NAALADL2: variants seen among roughly 807,000 people sequenced by gnomAD.
NAALADL2 encodes N-acetylated alpha-linked acidic dipeptidase like 2.
NAALADL2 carries 76 observed loss-of-function variants against 87.2 expected under a neutral mutation model. That is an observed-to-expected ratio of 0.87 (90% CI 0.72 to 1.05). The LOEUF (loss-of-function observed/expected upper bound fraction) is 1.05. Among genes scored for constraint, NAALADL2 ranks in the 50% least tolerant of loss-of-function variants. The probability of loss-of-function intolerance (pLI) is 0.00; values close to 1 mark genes in which losing one functional copy is unlikely to be tolerated. For synonymous variants in NAALADL2, 354 were observed against 331.0 expected (o/e 1.07, Z -0.75); for missense variants, 1,089 against 945.8 (o/e 1.15, Z -1.99).
chr3:175,490,812 T>C (rs1213979716), intron 9 of NAALADL2, among the ~76,000 whole-genome samples: 1 of 152,086 alleles, frequency 6.6e-6, no homozygotes, highest in East Asian at 1.9e-4. Context: ...AGATCCCCTC[T>C]TCCCCACCAA....
At chr3:175,551,981 T>G (rs1714464387) in intron 9 of NAALADL2, among the ~76,000 whole-genome samples, 1 of 151,986 alleles carries the variant, frequency 6.6e-6, no homozygotes. Context: ...ATTCTGTTTG[T>G]GATAAATGTA....
chr3:175,119,948 TAAAC>T (rs1346797671), intron 2 of NAALADL2, among the ~76,000 whole-genome samples: 2 of 101,164 alleles, frequency 2.0e-5, no homozygotes, highest in Non-Finnish European at 3.9e-5. Flanking sequence ...AGGAAAAAGT[TAAAC>T]AAGGGTGAGA....
chr3:174,808,313 C>T (rs1470468419), intron 3 of NAALADL2, among the ~76,000 whole-genome samples: 1 of 152,022 alleles, frequency 6.6e-6, no homozygotes, highest in East Asian at 1.9e-4. Flanking sequence ...AACACTTCTG[C>T]ACAAAATGTC....
chr3:175,488,286 C>A (rs1727597667), intron 9 of NAALADL2, among the ~76,000 whole-genome samples: 1 of 152,256 alleles, frequency 6.6e-6, no homozygotes. Context: ...AAGACCTAGA[C>A]CTTTATTTAC....
At chr3:174,999,339 T>G (rs1216343006) in intron 1 of NAALADL2, among the ~76,000 whole-genome samples, 1 of 152,188 alleles carries the variant, frequency 6.6e-6, no homozygotes, top group Admixed American at 6.5e-5. Flanking sequence ...AAAAGGTGAA[T>G]ATTTTTCAAT....
chr3:175,222,359 G>A (rs1373678990), intron 2 of NAALADL2, among the ~76,000 whole-genome samples: 1 of 152,146 alleles, frequency 6.6e-6, no homozygotes, highest in Non-Finnish European at 1.5e-5. Flanking sequence ...CACATAGTAG[G>A]TGGTATGAAT....
intron 5 of NAALADL2, among the ~76,000 whole-genome samples, chr3:175,398,049 T>G (rs1243173477): frequency 6.6e-6 from 1 of 152,120 alleles, no homozygotes; most frequent in Admixed American, 6.6e-5. Context: ...AAAAAACTAA[T>G]GAACAAACAA....
At chr3:174,660,092 C>T (rs141688750) in intron 2 of NAALADL2, among the ~76,000 whole-genome samples, 223 of 152,054 alleles carry the variant, frequency 1.5e-3, no homozygotes, top group African/African-American at 4.8e-3. Flanking sequence ...TTATAAGCCA[C>T]GACAAATTTA....
chr3:175,197,273 C>T (rs572857163), intron 2 of NAALADL2, among the ~76,000 whole-genome samples: 20 of 151,886 alleles, frequency 1.3e-4, no homozygotes, highest in African/African-American at 4.8e-4. Context: ...GCGTAGAGTC[C>T]GTAAGCTTTT....
intron 2 of NAALADL2, among the ~76,000 whole-genome samples, chr3:175,128,304 T>C (rs561078291): frequency 8.5e-5 from 13 of 152,160 alleles, no homozygotes; most frequent in Non-Finnish European, 1.3e-4. Context: ...AAATGTAAGG[T>C]AAAGGTAAAG....
chr3:174,444,995 T>A (rs1326066000), intron 1 of NAALADL2, among the ~76,000 whole-genome samples: 1 of 151,744 alleles, frequency 6.6e-6, no homozygotes. Flanking sequence ...GAGTTGGAAA[T>A]GGAACCTTGT....
chr3:174,938,685 A>T (rs564953504), intron 1 of NAALADL2, among the ~76,000 whole-genome samples: 10 of 151,464 alleles, frequency 6.6e-5, no homozygotes, highest in African/African-American at 2.4e-4. Context: ...TTGCCAGCTT[A>T]TTTGTTGTCT....
chr3:174,844,833 TG>T lies in NAALADL2; in HGVS notation c.-9+107089del, dbSNP rs202119994. Among the ~76,000 whole-genome samples, 127 of 133,728 alleles carry T rather than the reference TG, an allele frequency of 9.5e-4. 5 individuals carry two copies. The highest frequency in any genetic ancestry group is 3.4e-3 in the African/African-American group (118 of 34,272). 87.7% of individuals were successfully genotyped at this position (133,728 alleles called of 152,430 possible). On this transcript the variant is annotated intron_variant, in intron 3 of 3. Transcript: ENST00000434257. Reference sequence around the variant, plus strand: ...TAATGAACTTGTTTATTAGTTCTAATGGTTTTTTTTTTTTTTTTTTTTTTTT... The same window carrying T: ...TAATGAACTTGTTTATTAGTTCTAATGTTTTTTTTTTTTTTTTTTTTTTTT...
At chr3:175,517,231 G>C (rs1247855400) in intron 9 of NAALADL2, among the ~76,000 whole-genome samples, 2 of 152,030 alleles carry the variant, frequency 1.3e-5, no homozygotes, top group Admixed American at 6.6e-5. Context: ...TTTATCAGTA[G>C]GTGGACAAAC....
intron 2 of NAALADL2, among the ~76,000 whole-genome samples, chr3:175,189,004 G>A (rs1050150965): frequency 6.6e-6 from 1 of 152,088 alleles, no homozygotes; most frequent in African/African-American, 2.4e-5. Context: ...GTGGGGATGA[G>A]CCTCAGAGTC....
At chr3:175,801,446 A>G (rs1054456524) in intron 13 of NAALADL2, among the ~76,000 whole-genome samples, 1 of 152,082 alleles carries the variant, frequency 6.6e-6, no homozygotes, top group African/African-American at 2.4e-5. Flanking sequence ...AAATGCTAAC[A>G]TGGATTTCAC....
At chr3:175,458,872 A>G (rs1318696910) in intron 6 of NAALADL2, among the ~76,000 whole-genome samples, 2 of 152,194 alleles carry the variant, frequency 1.3e-5, no homozygotes, top group Non-Finnish European at 2.9e-5. Flanking sequence ...CCCAGGCTCT[A>G]ACACTATATG....
At chr3:175,045,393 T>C (rs1275377479) in intron 1 of NAALADL2, among the ~76,000 whole-genome samples, 1 of 152,218 alleles carries the variant, frequency 6.6e-6, no homozygotes, top group East Asian at 1.9e-4. Context: ...AAATTGTGTT[T>C]ATAATTTTTC....
At chr3:175,314,072 CAAAAA>C (rs10678475) in intron 4 of NAALADL2, among the ~76,000 whole-genome samples, 18 of 79,842 alleles carry the variant, frequency 2.3e-4, no homozygotes, top group Admixed American at 6.0e-4. Flanking sequence ...GACTCCATCT[CAAAAA>C]AAAAAAAAAA....
Sources: gnomAD v4.1 joint callset for allele counts (sites outside exome capture counted in the v4.1 genomes callset) on GRCh38, gnomAD v4.1.1 for gene constraint, MANE v1.5 for transcripts, NCBI Gene and HGNC (gene_info 2026-07-23, HGNC 2026-07-21) for gene names.